Variants in HSPA4L observed in about 807,000 individuals in gnomAD.
HSPA4L encodes the protein heat shock 70 kDa protein 4L.
A neutral mutation model predicts 100.3 loss-of-function variants in HSPA4L; 48 were observed. The ratio of observed to expected loss-of-function variants is 0.48; its 90% confidence interval spans 0.38 to 0.61. HSPA4L has a LOEUF of 0.61. Among genes scored for constraint, HSPA4L ranks in the 20% least tolerant of loss-of-function variants. The pLI is 0.00. For missense variants in HSPA4L, 886 were observed against 988.6 expected, an observed-to-expected ratio of 0.90 and a Z score of 1.39; for synonymous variants, 319 against 328.2, an observed-to-expected ratio of 0.97 and a Z score of 0.30.
intron 9 of HSPA4L, 38 bp downstream of exon 9, chr4:127,805,262 G>T (rs1478298518): frequency 2.0e-6 from 3 of 1,527,098 alleles, no homozygotes; most frequent in Non-Finnish European, 2.7e-6. Context: ...TATGTATTTT[G>T]CCAGAAATGA....
intron 3 of HSPA4L, among the ~76,000 whole-genome samples, chr4:127,796,593 T>A (rs1733028334): frequency 6.6e-6 from 1 of 152,176 alleles, no homozygotes; most frequent in Non-Finnish European, 1.5e-5. Flanking sequence ...TGAGTAGATA[T>A]ACAAAATGTG....
intron 3 of HSPA4L, among the ~76,000 whole-genome samples, chr4:127,797,602 AT>A (rs200747966): frequency 4.4e-3 from 604 of 136,734 alleles, no homozygotes; most frequent in African/African-American, 0.011. Context: ...TTTAAAAAAA[AT>A]TTTTTTTTTT....
intron 8 of HSPA4L, among the ~76,000 whole-genome samples, chr4:127,804,718 G>C (rs1484893069): frequency 6.6e-6 from 1 of 151,760 alleles, no homozygotes; most frequent in Non-Finnish European, 1.5e-5. Flanking sequence ...TGTAGAAATG[G>C]GGACATAATT....
chr4:127,819,534 G>T (rs1733755808), intron 13 of HSPA4L, among the ~76,000 whole-genome samples: 1 of 152,074 alleles, frequency 6.6e-6, no homozygotes, highest in Admixed American at 6.5e-5. Context: ...CATCCAATTA[G>T]TTGTACAGTT....
chr4:127,782,073 C>T (rs991638213), upstream of HSPA4L: 1 of 455,666 alleles, frequency 2.2e-6, no homozygotes, highest in Non-Finnish European at 4.4e-6. Flanking sequence ...TGCCTAGCCT[C>T]CTTTCCCCGA....
At chr4:127,791,364 G>T (rs983165404) in intron 1 of HSPA4L, among the ~76,000 whole-genome samples, 1 of 152,142 alleles carries the variant, frequency 6.6e-6, no homozygotes, top group Non-Finnish European at 1.5e-5. Flanking sequence ...TAGCTGATGA[G>T]CTAGAAAAAA....
intron 11 of HSPA4L, 43 bp downstream of exon 11, chr4:127,808,172 A>G: frequency 6.7e-7 from 1 of 1,496,710 alleles, no homozygotes; most frequent in Non-Finnish European, 9.1e-7. Flanking sequence ...GGCCTTTTAT[A>G]AATAATGTGT....
chr4:127,825,741 ATGG>A (rs1733933795), intron 16 of HSPA4L, among the ~76,000 whole-genome samples: 1 of 151,886 alleles, frequency 6.6e-6, no homozygotes, highest in South Asian at 2.1e-4. Context: ...CCTGGCTAAC[ATGG>A]TGAAATCCCA....
chr4:127,818,485 T>G, intron 13 of HSPA4L, 65 bp downstream of exon 13: 1 of 1,006,924 alleles, frequency 9.9e-7, no homozygotes, highest in Non-Finnish European at 1.5e-6. Flanking sequence ...TTGTATTTAA[T>G]GCTTTCTTTT....
Position 127,836,163 on chromosome 4 carries a change from C to G in HSPA4L, c.*3289C>G, listed in dbSNP as rs552741446. On this transcript the variant is annotated 3_prime_UTR_variant, in exon 19 of 19. Coordinates refer to ENST00000296464, the MANE Select transcript of HSPA4L (RefSeq NM_014278.4). ...CGGGCAGATCACGAGGTCAGGAGAT[C>G]AAGACCATCCTGGCTAACACGGTGA... is the stretch of plus-strand genomic sequence containing the variant. The G allele has an allele frequency of 1.3e-5, 2 of 152,388 alleles. No homozygotes were observed. Among genetic ancestry groups the G allele is most frequent in the African/African-American group, 2.4e-5 (1 of 41,390 alleles). 9.4% of individuals were successfully genotyped at this position (152,388 alleles called of 1,614,324 possible).
chr4:127,802,787 A>C (rs941738499), intron 6 of HSPA4L, among the ~76,000 whole-genome samples: 3 of 152,132 alleles, frequency 2.0e-5, no homozygotes. Flanking sequence ...ACTTCATGAG[A>C]GGTCTATACA....
intron 2 of HSPA4L, among the ~76,000 whole-genome samples, chr4:127,795,414 G>A (rs1252057794): frequency 1.3e-5 from 2 of 152,120 alleles, no homozygotes; most frequent in East Asian, 1.9e-4. Context: ...GATTTGGGAT[G>A]TTCAGCTCGT....
At chr4:127,831,501 TAAAAAA>T (rs770152039) in intron 18 of HSPA4L, among the ~76,000 whole-genome samples, 1 of 103,430 alleles carries the variant, frequency 9.7e-6, no homozygotes, top group African/African-American at 3.8e-5. Context: ...CCTTGTCTAT[TAAAAAA>T]AAAAAAAAAA....
rs1183035881 is a variant in HSPA4L, at chr4:127,803,890, T to C, written c.908+17T>C. 1 of 1,611,238 alleles carries C rather than the reference T, an allele frequency of 6.2e-7. No homozygotes were observed. ...AATGAACAGGTACCACGTATGTTTTTAGTTTGAAAAGTGTTTACTTATTTT... is the reference window on the plus strand; with the variant it reads ...AATGAACAGGTACCACGTATGTTTTCAGTTTGAAAAGTGTTTACTTATTTT... On this transcript the variant is annotated intron_variant, in intron 7 of 18. Coordinates refer to ENST00000296464, the MANE Select transcript of HSPA4L (RefSeq NM_014278.4).
rs1287409669 is a variant in HSPA4L, at chr4:127,820,496, T to C, written c.1743T>C (p.Asp581=). The C allele has an allele frequency of 6.2e-7, 1 of 1,603,192 alleles. No homozygotes were observed. Among genetic ancestry groups the C allele is most frequent in the South Asian group, 1.1e-5 (1 of 88,954 alleles). The part of the protein sequence containing the change: ...TLKKGKVKSI[D]LPIQSSLCRQ... Reference sequence around the variant, plus strand: ...AAAAAGGAAAAGTCAAAAGTATTGATCTACCGATCCAGAGTAGCCTATGTA... The same window carrying C: ...AAAAAGGAAAAGTCAAAAGTATTGACCTACCGATCCAGAGTAGCCTATGTA... Residue 581 remains aspartate, a synonymous_variant, in exon 14 of 19, where the codon GAT becomes GAC. Transcript: ENST00000296464.
intron 2 of HSPA4L, among the ~76,000 whole-genome samples, chr4:127,794,586 T>C (rs1016007280): frequency 2.0e-5 from 3 of 152,118 alleles, no homozygotes; most frequent in African/African-American, 4.8e-5. Context: ...TTTTAGGCTT[T>C]TGAAATCTTT....
chr4:127,808,095 T>C lies in HSPA4L; in HGVS notation c.1344T>C (p.Asn448=). ...EPFELEAFYT[N]LHEVPYPDAR... The stretch of plus-strand genomic sequence containing the variant: ...TTGAACTAGAAGCATTTTATACTAA[T>C]TTACATGAAGTGCCTTATCCTGATG... The change falls in exon 11 of 19, where the codon AAT becomes AAC. Residue 448 remains asparagine (N), a synonymous_variant. Transcript: ENST00000296464. The C allele has an allele frequency of 6.2e-7, 1 of 1,612,050 alleles. No individual in the cohort carries two copies. Among genetic ancestry groups the C allele is most frequent in the Non-Finnish European group, 8.5e-7 (1 of 1,179,086 alleles).
intron 17 of HSPA4L, among the ~76,000 whole-genome samples, chr4:127,830,222 TC>T (rs564772214): frequency 2.9e-4 from 44 of 149,344 alleles, no homozygotes; most frequent in African/African-American, 9.5e-4. Flanking sequence ...CAGTTTCTCT[TC>T]TTCAGAAAGA....
rs533707026 is a variant in HSPA4L at position 127,812,192 on chromosome 4, G to A, written c.1578+556G>A. On this transcript the variant is annotated intron_variant, in intron 12 of 18. Coordinates refer to ENST00000296464, the MANE Select transcript of HSPA4L (RefSeq NM_014278.4). ...TGGGAGGCCGAGGCGGGTGGATCAC[G>A]AGGTCAGGAGATCGAGACCATCCTG... Among the ~76,000 whole-genome samples the A allele has an allele frequency of 5.9e-5, 9 of 151,994 alleles. No homozygotes were observed. In the East Asian group the frequency reaches 1.2e-3, roughly 20 times the overall value.
Sources: gnomAD v4.1 joint callset for allele counts (sites outside exome capture counted in the v4.1 genomes callset) on GRCh38, gnomAD v4.1.1 for gene constraint, MANE v1.5 for transcripts, NCBI Gene and HGNC (gene_info 2026-07-23, HGNC 2026-07-21) for gene names.